The following MDGA2 variants were observed in gnomAD, a reference collection of about 807,000 sequenced individuals.
MDGA2 encodes MAM domain containing glycosylphosphatidylinositol anchor 2, also known as MAM domain-containing glycosylphosphatidylinositol anchor protein 2.
In MDGA2, 40 loss-of-function variants were observed where a neutral mutation model predicts 117.8. That is an observed-to-expected ratio of 0.34 (90% CI 0.26 to 0.44). MDGA2 has a LOEUF of 0.44. Ranked by LOEUF, MDGA2 falls within the 20% of genes least tolerant of loss-of-function variation. MDGA2 has a pLI of 1.00. For missense variants in MDGA2, 1,123 were observed against 1,250.6 expected, an observed-to-expected ratio of 0.90 and a Z score of 1.54; for synonymous variants, 452 against 439.0, an observed-to-expected ratio of 1.03 and a Z score of -0.37.
chr14:46,989,828 A>G (rs544585391), intron 8 of MDGA2, among the ~76,000 whole-genome samples: 97 of 152,226 alleles, frequency 6.4e-4, no homozygotes, highest in African/African-American at 2.3e-3. Context: ...ATCAAAAAGA[A>G]TTCTCAGAAT....
intron 1 of MDGA2, among the ~76,000 whole-genome samples, chr14:47,428,395 T>C (rs998637270): frequency 6.6e-6 from 1 of 152,154 alleles, no homozygotes; most frequent in Non-Finnish European, 1.5e-5. Flanking sequence ...GATGTTTTTA[T>C]AGTGAGTTAT....
intron 8 of MDGA2, among the ~76,000 whole-genome samples, chr14:46,976,220 T>C (rs1371209767): frequency 6.6e-6 from 1 of 152,076 alleles, no homozygotes; most frequent in East Asian, 1.9e-4. Context: ...AATTTTATAT[T>C]ATGTGTATTT....
chr14:47,128,908 C>T (rs1370053605), intron 5 of MDGA2, among the ~76,000 whole-genome samples: 1 of 151,946 alleles, frequency 6.6e-6, no homozygotes, highest in Non-Finnish European at 1.5e-5. Context: ...CCAGGATGGT[C>T]TCAATCTCCT....
intron 2 of MDGA2, among the ~76,000 whole-genome samples, chr14:47,285,263 T>C (rs539264554): frequency 9.9e-5 from 15 of 152,154 alleles, no homozygotes; most frequent in Non-Finnish European, 2.1e-4. Flanking sequence ...CTATGGCTAG[T>C]TGTCAGTATG....
chr14:47,014,267 T>G (rs1467359946), intron 8 of MDGA2, among the ~76,000 whole-genome samples: 2 of 152,030 alleles, frequency 1.3e-5, no homozygotes, highest in Non-Finnish European at 2.9e-5. Context: ...ACAGGCAGAG[T>G]AGATTTAGCA....
At chr14:47,194,196 G>C (rs944703292) in intron 3 of MDGA2, among the ~76,000 whole-genome samples, 39 of 152,228 alleles carry the variant, frequency 2.6e-4, no homozygotes, top group Admixed American at 3.3e-4. Context: ...AATACTTTGA[G>C]AGACAAGACT....
At chr14:47,139,463 A>T (rs1257798043) in intron 4 of MDGA2, among the ~76,000 whole-genome samples, 3 of 151,954 alleles carry the variant, frequency 2.0e-5, no homozygotes, top group Non-Finnish European at 2.9e-5. Context: ...ATCAACAAAC[A>T]TTAGAGGAGA....
At chr14:47,673,906 C>A (rs777512499) in intron 1 of MDGA2, among the ~76,000 whole-genome samples, 6 of 151,994 alleles carry the variant, frequency 3.9e-5, no homozygotes, top group African/African-American at 7.2e-5. Flanking sequence ...CTTGCTCATC[C>A]ATTCACACAA....
chr14:46,852,916 G>C (rs1881119316), intron 15 of MDGA2, among the ~76,000 whole-genome samples: 2 of 151,900 alleles, frequency 1.3e-5, no homozygotes, highest in South Asian at 4.1e-4. Context: ...CAAGGTAACA[G>C]TCACAATATC....
At chr14:47,167,010 T>C (rs887606994) in intron 3 of MDGA2, among the ~76,000 whole-genome samples, 3 of 152,164 alleles carry the variant, frequency 2.0e-5, no homozygotes, top group Non-Finnish European at 2.9e-5. Context: ...GGTCTGGGCT[T>C]AGCACTCAGA....
At chr14:46,975,865 C>A (rs1886438891) in intron 8 of MDGA2, among the ~76,000 whole-genome samples, 2 of 152,032 alleles carry the variant, frequency 1.3e-5, no homozygotes, top group Admixed American at 1.3e-4. Flanking sequence ...CTTGCTATGT[C>A]CTCGCATGTG....
intron 1 of MDGA2, among the ~76,000 whole-genome samples, chr14:47,475,825 C>G (rs1326004898): frequency 6.6e-6 from 1 of 152,076 alleles, no homozygotes; most frequent in African/African-American, 2.4e-5. Context: ...TGGGGCCTGT[C>G]AGGGATCGGG....
At chr14:47,658,294 C>A (rs1490691215) in intron 1 of MDGA2, among the ~76,000 whole-genome samples, 1 of 152,148 alleles carries the variant, frequency 6.6e-6, no homozygotes, top group Non-Finnish European at 1.5e-5. Flanking sequence ...TGTTGATGCT[C>A]TCTTACCTAG....
intron 1 of MDGA2, among the ~76,000 whole-genome samples, chr14:47,673,632 A>ATATGTGTGTGTGTG (rs1473067686): frequency 1.4e-5 from 2 of 143,980 alleles, no homozygotes; most frequent in Non-Finnish European, 3.0e-5. Context: ...TATGACCTGG[A>ATATGTGTGTGTGTG]TGTGTGTGTG....
At chr14:46,938,099 A>C (rs188245003) in intron 9 of MDGA2, among the ~76,000 whole-genome samples, 13 of 152,330 alleles carry the variant, frequency 8.5e-5, no homozygotes, top group Non-Finnish European at 1.6e-4. Flanking sequence ...AAACATCTCT[A>C]GCACAAAAAT....
intron 1 of MDGA2, among the ~76,000 whole-genome samples, chr14:47,559,844 A>G (rs1458617388): frequency 6.6e-6 from 1 of 152,100 alleles, no homozygotes; most frequent in Non-Finnish European, 1.5e-5. Flanking sequence ...AAGTGCTGGG[A>G]TTACAGGCAT....
intron 2 of MDGA2, among the ~76,000 whole-genome samples, chr14:47,221,947 T>C (rs1024529726): frequency 2.0e-5 from 3 of 152,044 alleles, no homozygotes; most frequent in Non-Finnish European, 2.9e-5. Context: ...TCGAATTTTT[T>C]TTGTGGTGAA....
At chr14:47,158,992 A>C (rs1189515728) in intron 3 of MDGA2, among the ~76,000 whole-genome samples, 5 of 152,220 alleles carry the variant, frequency 3.3e-5, no homozygotes, top group African/African-American at 9.6e-5. Flanking sequence ...GGAAAAGGCA[A>C]GCAATGGAGA....
At chr14:47,156,490 G>C (rs186092068) in intron 3 of MDGA2, among the ~76,000 whole-genome samples, 1 of 152,248 alleles carries the variant, frequency 6.6e-6, no homozygotes, top group Admixed American at 6.5e-5. Flanking sequence ...CTCCCAACAT[G>C]CACTGGTGCA....
Sources: allele counts gnomAD v4.1 joint callset (sites outside exome capture counted in the v4.1 genomes callset), GRCh38; gene constraint gnomAD v4.1.1; transcripts MANE v1.5; gene names NCBI Gene and HGNC (gene_info 2026-07-23, HGNC 2026-07-21).